Variants in FER observed in about 807,000 individuals in gnomAD.
The protein encoded by FER is FER tyrosine kinase.
FER carries 63 observed loss-of-function variants against 111.0 expected under a neutral mutation model. The ratio of observed to expected loss-of-function variants is 0.57; its 90% CI spans 0.46 to 0.70. The LOEUF (loss-of-function observed/expected upper bound fraction) is 0.70, where lower values mean the gene tolerates loss of function less well. Ranked by LOEUF, FER falls within the 30% of genes least tolerant of loss-of-function variation. FER has a pLI of 0.00. For missense variants in FER, 914 were observed against 954.0 expected (o/e 0.96, Z 0.55); for synonymous variants, 327 against 313.9 (o/e 1.04, Z -0.44).
Position 109,188,633 on chromosome 5 carries a change from A to G in FER, c.*1058A>G, listed in dbSNP as rs1385981348. ...AAACAAACAAACATTCACATATTCT[A>G]TTCTAAAAACACATAATAATACATA... On this transcript the variant is annotated 3_prime_UTR_variant, in exon 20 of 20. Coordinates refer to ENST00000281092, the MANE Select transcript of FER (RefSeq NM_005246.4). 2.0e-5 allele frequency: 3 copies of G among 152,162 alleles called. No individual in the cohort carries two copies. The highest frequency in any genetic ancestry group is 7.2e-5 in the African/African-American group (3 of 41,446). 9.4% of individuals were successfully genotyped at this position (152,162 alleles called of 1,614,324 possible).
rs1352898423 is a variant in FER, at chr5:108,918,323, C to T, written c.1236+20475C>T. Among the ~76,000 whole-genome samples the T allele has an allele frequency of 8.5e-5, 13 of 152,202 alleles. No individual in the cohort carries two copies. In the East Asian group the frequency reaches 2.5e-3, roughly 29 times the overall value. ...CTAAAGCTAATGTAGGAAGGAGACT[C>T]ATAAGACCATCTCTTGCAGAATCTA... On this transcript the variant is annotated intron_variant, in intron 10 of 19. Transcript: ENST00000281092.
rs77262608 is a variant in FER at position 109,112,867 on chromosome 5, T to C, written c.2048+12348T>C. ...TATAACTTCCTATTCTTGATGCTGT[T>C]AGTCTGCATCCTACTGAAGAAGAGT... On this transcript the variant is annotated intron_variant, in intron 17 of 19. Coordinates refer to ENST00000281092, the MANE Select transcript of FER (RefSeq NM_005246.4). Among the ~76,000 whole-genome samples, 461 of 152,242 alleles carry C rather than the reference T, an allele frequency of 3.0e-3. 1 individual carries two copies. The highest frequency in any genetic ancestry group is 0.01 in the African/African-American group (435 of 41,546).
At chr5:108,860,068 A>C (rs1763368054) in intron 5 of FER, among the ~76,000 whole-genome samples, 1 of 151,614 alleles carries the variant, frequency 6.6e-6, no homozygotes, top group South Asian at 2.1e-4. Flanking sequence ...CAGCCTCCCA[A>C]GTAGCTGGGA....
chr5:108,925,247 C>A (rs1753576221), intron 10 of FER, among the ~76,000 whole-genome samples: 1 of 151,620 alleles, frequency 6.6e-6, no homozygotes, highest in South Asian at 2.1e-4. Flanking sequence ...TCAATTTAGC[C>A]TTGTTATTTT....
rs941967545 is a variant in FER at position 108,922,883 on chromosome 5, A to G, written c.1237-23247A>G. On this transcript the variant is annotated intron_variant, in intron 10 of 19. Transcript: ENST00000281092. ...CAAAAGAATACCTTTGGTGAAATAG[A>G]GCAGTGACTTAATCTAAGAAACAGT... 1.0e-3 allele frequency among the ~76,000 whole-genome samples: 155 copies of G among 152,284 alleles called. 1 individual carries two copies. The highest frequency in any genetic ancestry group is 3.6e-3 in the African/African-American group (151 of 41,582).
intron 13 of FER, among the ~76,000 whole-genome samples, chr5:108,962,536 C>A (rs1759280009): frequency 6.6e-6 from 1 of 152,108 alleles, no homozygotes; most frequent in Non-Finnish European, 1.5e-5. Context: ...AAAATAACTT[C>A]AATAGGGTCA....
intron 18 of FER, among the ~76,000 whole-genome samples, chr5:109,184,769 G>A (rs2126877204): frequency 6.6e-6 from 1 of 152,292 alleles, no homozygotes; most frequent in Admixed American, 6.5e-5. Flanking sequence ...CACAGCTGGA[G>A]CTGATAATCA....
intron 3 of FER, among the ~76,000 whole-genome samples, chr5:108,798,796 C>T (rs184240948): frequency 5.9e-5 from 9 of 152,152 alleles, no homozygotes; most frequent in Admixed American, 2.0e-4. Context: ...TGCAGTGAGC[C>T]GTGGGTGACA....
At chr5:108,927,495 A>G (rs1276532112) in intron 10 of FER, among the ~76,000 whole-genome samples, 1 of 151,596 alleles carries the variant, frequency 6.6e-6, no homozygotes, top group East Asian at 1.9e-4. Flanking sequence ...TCCTGACCTC[A>G]TGATCCACCT....
intron 17 of FER, among the ~76,000 whole-genome samples, chr5:109,165,593 GGTGTGTGTGTGTGTGTGTGTGTGTGTGT>G (rs66749153): frequency 6.3e-5 from 9 of 142,246 alleles, no homozygotes; most frequent in South Asian, 2.3e-4. Context: ...GGAGGGAACT[GGTGTGTGTGTGTGTGTGTGTGTGTGTGT>G]GTGTGTGTGT....
intron 14 of FER, among the ~76,000 whole-genome samples, chr5:109,038,287 G>C (rs1770675064): frequency 6.6e-6 from 1 of 151,814 alleles, no homozygotes; most frequent in Middle Eastern, 3.4e-3. Flanking sequence ...CTTATGGTGT[G>C]ATACAAAAAA....
chr5:109,142,859 G>A (rs1753675613), intron 17 of FER, among the ~76,000 whole-genome samples: 2 of 152,148 alleles, frequency 1.3e-5, no homozygotes, highest in Non-Finnish European at 2.9e-5. Flanking sequence ...TGTGAGGCAT[G>A]CAGAGTATTA....
chr5:108,833,987 AGTTG>A (rs1009515662), intron 4 of FER, among the ~76,000 whole-genome samples: 1 of 143,404 alleles, frequency 7.0e-6, no homozygotes, highest in Non-Finnish European at 1.5e-5. Context: ...GTTTTTTTAT[AGTTG>A]GTTGGTTTCA....
chr5:109,100,281 T>C (rs1468714384), intron 16 of FER, 115 bp from the exon 17 acceptor site: 2 of 1,279,640 alleles, frequency 1.6e-6, no homozygotes, highest in African/African-American at 3.0e-5. Context: ...GCAAAAAGCA[T>C]GGCCAAATGT....
At chr5:108,803,735 A>G (rs1756915511) in intron 3 of FER, among the ~76,000 whole-genome samples, 1 of 151,280 alleles carries the variant, frequency 6.6e-6, no homozygotes, top group Non-Finnish European at 1.5e-5. Context: ...TGGTTATTGT[A>G]GCTTTATAGT....
intron 10 of FER, among the ~76,000 whole-genome samples, chr5:108,914,477 T>G (rs1218529795): frequency 6.6e-6 from 1 of 152,216 alleles, no homozygotes; most frequent in Non-Finnish European, 1.5e-5. Flanking sequence ...TAACAAAGTG[T>G]TGTATTCTTC....
chr5:108,811,262 A>T (rs1300848573), intron 3 of FER, among the ~76,000 whole-genome samples: 1 of 151,472 alleles, frequency 6.6e-6, no homozygotes, highest in Admixed American at 6.6e-5. Context: ...GATGCTCCAG[A>T]TGCCTAGAGA....
At chr5:108,887,530 A>G (rs182590450) in intron 9 of FER, among the ~76,000 whole-genome samples, 2 of 151,808 alleles carry the variant, frequency 1.3e-5, no homozygotes, top group East Asian at 1.9e-4. Flanking sequence ...TTTAAAAAAT[A>G]TAGAATGAAA....
At chr5:108,922,596 C>G (rs1050339189) in intron 10 of FER, among the ~76,000 whole-genome samples, 81 of 151,788 alleles carry the variant, frequency 5.3e-4, no homozygotes, top group African/African-American at 1.9e-3. Flanking sequence ...GTGCCTGGCA[C>G]CTAATTAATG....
Sources: allele counts gnomAD v4.1 joint callset (sites outside exome capture counted in the v4.1 genomes callset), GRCh38; gene constraint gnomAD v4.1.1; transcripts MANE v1.5; gene names NCBI Gene and HGNC (gene_info 2026-07-23, HGNC 2026-07-21).